The following TP73 variants were observed in gnomAD, a reference collection of about 807,000 sequenced individuals.
TP73 encodes tumor protein p73.
A neutral mutation model predicts 62.5 loss-of-function variants in TP73; 25 were observed. The ratio of observed to expected loss-of-function variants is 0.40; its 90% CI spans 0.29 to 0.56. TP73 has a LOEUF of 0.56. TP73 is among the 20% of genes least tolerant of loss of function. The pLI is 0.46. For missense variants in TP73, 754 were observed against 913.3 expected (o/e 0.83, Z 2.25); for synonymous variants, 423 against 377.5 (o/e 1.12, Z -1.40).
chr1:3,665,089 T>C (rs1406324608), intron 1 of TP73, among the ~76,000 whole-genome samples: 1 of 152,178 alleles, frequency 6.6e-6, no homozygotes, highest in Non-Finnish European at 1.5e-5. Context: ...TCAGTGCAGG[T>C]CTCTCCTTCC....
chr1:3,693,464 G>T (rs891499208), intron 3 of TP73, among the ~76,000 whole-genome samples: 5 of 152,144 alleles, frequency 3.3e-5, no homozygotes, highest in African/African-American at 1.2e-4. Flanking sequence ...CCCCAGCCTG[G>T]CACAGGGTTC....
At chr1:3,712,815 G>T (rs1640261751) in intron 4 of TP73, among the ~76,000 whole-genome samples, 1 of 152,260 alleles carries the variant, frequency 6.6e-6, no homozygotes, top group Non-Finnish European at 1.5e-5. Flanking sequence ...TCACCTGTCA[G>T]CAGAGGGCAG....
chr1:3,688,625 C>T (rs528170146), intron 3 of TP73, among the ~76,000 whole-genome samples: 43 of 152,306 alleles, frequency 2.8e-4, no homozygotes, highest in Middle Eastern at 6.8e-3. Context: ...GGGGTGTGGC[C>T]CCAGATCCCC....
chr1:3,679,123 G>T (rs981379031), intron 1 of TP73, among the ~76,000 whole-genome samples: 1 of 152,246 alleles, frequency 6.6e-6, no homozygotes, highest in Admixed American at 6.5e-5. Flanking sequence ...GGATGTGGAA[G>T]CTGGGTCTCC....
chr1:3,669,446 T>C (rs1645192067), intron 1 of TP73, among the ~76,000 whole-genome samples: 1 of 152,186 alleles, frequency 6.6e-6, no homozygotes, highest in Non-Finnish European at 1.5e-5. Context: ...CAGAAGTGGC[T>C]CTGGTACCGC....
intron 4 of TP73, among the ~76,000 whole-genome samples, chr1:3,717,217 G>A (rs1640674542): frequency 2.0e-5 from 3 of 152,206 alleles, no homozygotes; most frequent in Admixed American, 1.3e-4. Context: ...CGGGCACAAG[G>A]AAATTAGCAG....
Position 3,681,036 on chromosome 1 carries a change from G to T in TP73, c.-33-1297G>T, listed in dbSNP as rs568958354. Among the ~76,000 whole-genome samples the T allele has an allele frequency of 3.9e-5, 6 of 152,358 alleles. No individual in the cohort carries two copies. The South Asian group carries it at 1.0e-3, about 26-fold the overall frequency. ...CGGTCACGCCCACCTGGGAGAGGTG[G>T]CTTGGGCCAGCACCCTCTAAGCTGC... On this transcript the variant is annotated intron_variant, in intron 1 of 13. Coordinates refer to ENST00000378295, the MANE Select transcript of TP73 (RefSeq NM_005427.4).
At chr1:3,695,485 G>A (rs949608673) in intron 3 of TP73, among the ~76,000 whole-genome samples, 2 of 152,206 alleles carry the variant, frequency 1.3e-5, no homozygotes, top group South Asian at 2.1e-4. Context: ...CTGCCCCTCC[G>A]CATGGTGGGC....
At chr1:3,689,415 C>T (rs1164559436) in intron 3 of TP73, among the ~76,000 whole-genome samples, 5 of 152,198 alleles carry the variant, frequency 3.3e-5, no homozygotes, top group Admixed American at 6.5e-5. Context: ...TGCTGCCTCC[C>T]GGCCCTAGGG....
intron 3 of TP73, among the ~76,000 whole-genome samples, chr1:3,684,162 G>T (rs1392715890): frequency 6.6e-6 from 1 of 152,218 alleles, no homozygotes; most frequent in Non-Finnish European, 1.5e-5. Flanking sequence ...GAGGCCCAGC[G>T]AGGCCAGCCG....
At chr1:3,667,187 A>G (rs1186043976) in intron 1 of TP73, among the ~76,000 whole-genome samples, 1 of 152,154 alleles carries the variant, frequency 6.6e-6, no homozygotes, top group African/African-American at 2.4e-5. Flanking sequence ...AACCAAGAGA[A>G]GACAGGGGAG....
In TP73 at chr1:3,690,855, G is replaced by A. The variant is rs1368661228; in HGVS notation, c.186+7675G>A. The A allele has an allele frequency of 8.0e-5, 124 of 1,555,046 alleles. No individual in the cohort carries two copies. In the South Asian group the frequency reaches 1.3e-3, roughly 17 times the overall value. On this transcript the variant is annotated intron_variant, in intron 3 of 13. Coordinates refer to ENST00000378295, the MANE Select transcript of TP73 (RefSeq NM_005427.4). Reference sequence around the variant, plus strand: ...CTCGGGCCGCCCAGATCCATGCCTCGTCCCACGGGACACCAGTTCCCTGGC... The same window carrying A: ...CTCGGGCCGCCCAGATCCATGCCTCATCCCACGGGACACCAGTTCCCTGGC...
At position 3,672,745 on chromosome 1, in the gene TP73, C is replaced by G. The variant is rs1290993529; in HGVS notation, c.-33-9588C>G. The stretch of plus-strand genomic sequence containing the variant: ...GGTGGGCTCCTGGCAGGAAACATCA[C>G]CAAGCTCAGCGCCCCAGTTCCCTGA... On this transcript the variant is annotated intron_variant, in intron 1 of 13. Transcript: ENST00000378295. This position sits in a 1 kb window ranked among gnomAD's most constrained non-coding sequence, Gnocchi z 5.3. 2.0e-5 allele frequency among the ~76,000 whole-genome samples: 3 copies of G among 152,168 alleles called. No homozygotes were observed. Among genetic ancestry groups the G allele is most frequent in the Non-Finnish European group, 4.4e-5 (3 of 68,022 alleles).
chr1:3,662,285 A>C lies in TP73; in HGVS notation c.-34+9644A>C, dbSNP rs1645011531. The C allele has an allele frequency of 6.6e-6, 1 of 152,172 alleles. No individual in the cohort carries two copies. The highest frequency in any genetic ancestry group is 2.4e-5 in the African/African-American group (1 of 41,428). 9.4% of individuals were successfully genotyped at this position (152,172 alleles called of 1,614,324 possible). ...ACCAAGCTGCAGGGGAGGAAAAGTG[A>C]CATCAGACAGATCAACAGGAGAAAA... On this transcript the variant is annotated intron_variant, in intron 1 of 13. Transcript: ENST00000378295. The surrounding 1 kb of genome is among the most constrained non-coding windows in gnomAD (Gnocchi z 4.4).
intron 5 of TP73, among the ~76,000 whole-genome samples, chr1:3,723,079 T>A (rs4648552): frequency 1.3e-5 from 2 of 148,480 alleles, no homozygotes; most frequent in Admixed American, 6.7e-5. Context: ...CACCTGGCAC[T>A]GGGCTGGGCA....
At chr1:3,669,659 G>A (rs571797043) in intron 1 of TP73, among the ~76,000 whole-genome samples, 1 of 152,346 alleles carries the variant, frequency 6.6e-6, no homozygotes, top group African/African-American at 2.4e-5. Flanking sequence ...GCAACAGCAA[G>A]CCATGCCCCG....
chr1:3,667,370 A>G lies in TP73; in HGVS notation c.-34+14729A>G, dbSNP rs1214769909. 2.6e-5 allele frequency among the ~76,000 whole-genome samples: 4 copies of G among 152,316 alleles called. No homozygotes were observed. The East Asian group carries it at 7.7e-4, about 29-fold the overall frequency. ...AAATTTATCTCATTCTGTGCTGCTC[A>G]TTGTGTGGTCATTGGTTACGGCAGC... On this transcript the variant is annotated intron_variant, in intron 1 of 13. Transcript: ENST00000378295.
chr1:3,660,498 C>A (rs1282641798), intron 1 of TP73, among the ~76,000 whole-genome samples: 1 of 152,226 alleles, frequency 6.6e-6, no homozygotes, highest in Non-Finnish European at 1.5e-5. Context: ...TCATCTTGAA[C>A]TTAAGCAAAT....
intron 3 of TP73, among the ~76,000 whole-genome samples, chr1:3,705,117 G>A (rs558912869): frequency 5.3e-5 from 8 of 152,194 alleles, no homozygotes; most frequent in East Asian, 3.8e-4. Flanking sequence ...GCTCTCTGCC[G>A]TCTCAGATTC....
Sources: gnomAD v4.1 joint callset for allele counts (sites outside exome capture counted in the v4.1 genomes callset) on GRCh38, gnomAD v4.1.1 for gene constraint, Gnocchi (gnomAD v3.1) non-coding constraint, MANE v1.5 for transcripts, NCBI Gene and HGNC (gene_info 2026-07-23, HGNC 2026-07-21) for gene names.